SH3BP4: variants seen among roughly 807,000 people sequenced by gnomAD.
SH3BP4 encodes SH3 domain binding protein 4.
Under a neutral mutation model 65.5 loss-of-function variants are expected in SH3BP4, and 33 were observed. The observed-to-expected ratio is 0.50, with a 90% CI of 0.38 to 0.67. SH3BP4 has a LOEUF of 0.67. Among genes scored for constraint, SH3BP4 ranks in the 30% least tolerant of loss-of-function variants. The probability of loss-of-function intolerance (pLI) is 0.00; values close to 1 mark genes in which losing one functional copy is unlikely to be tolerated. For synonymous variants in SH3BP4, 552 were observed against 545.5 expected (o/e 1.01, Z -0.17); for missense variants, 1,134 against 1,261.4 (o/e 0.90, Z 1.53).
chr2:234,991,614 C>T lies in SH3BP4; in HGVS notation c.-206-3689C>T, dbSNP rs181383496. On this transcript the variant is annotated intron_variant, in intron 1 of 5. Transcript: ENST00000392011. The surrounding 1 kb of genome is among the most constrained non-coding windows in gnomAD (Gnocchi z 4.2). ...TTTTCTTGGGGCCCCTGAAGACTGA[C>T]GGGTCCACACTGGTGTCTGGTGGTG... Among the ~76,000 whole-genome samples, 9 of 152,194 alleles carry T rather than the reference C, an allele frequency of 5.9e-5. No homozygotes were observed. Among genetic ancestry groups the T allele is most frequent in the Non-Finnish European group, 8.8e-5 (6 of 68,042 alleles).
intron 1 of SH3BP4, among the ~76,000 whole-genome samples, chr2:234,989,677 G>A (rs1017692680): frequency 6.6e-6 from 1 of 152,310 alleles, no homozygotes; most frequent in Admixed American, 6.5e-5. Context: ...GTGGGGCTGG[G>A]CTCTGTGCAA....
intron 2 of SH3BP4, among the ~76,000 whole-genome samples, chr2:235,011,708 A>G (rs1694512385): frequency 6.6e-6 from 1 of 152,222 alleles, no homozygotes; most frequent in Admixed American, 6.5e-5. Flanking sequence ...CTCTCGACTT[A>G]CATTAAGGAA....
chr2:234,959,048 G>A (rs945173687), intron 1 of SH3BP4, among the ~76,000 whole-genome samples: 10 of 152,178 alleles, frequency 6.6e-5, no homozygotes, highest in South Asian at 4.2e-4. Flanking sequence ...AGGAGCAGCT[G>A]GTTAAAAGAC....
chr2:235,027,251 G>A (rs2106316391), intron 2 of SH3BP4, among the ~76,000 whole-genome samples: 1 of 152,368 alleles, frequency 6.6e-6, no homozygotes, highest in East Asian at 1.9e-4. Flanking sequence ...CCGTGATTTT[G>A]CCTTTGGAGT....
intron 1 of SH3BP4, among the ~76,000 whole-genome samples, chr2:234,986,034 G>A (rs547236988): frequency 1.1e-4 from 16 of 149,618 alleles, no homozygotes; most frequent in African/African-American, 3.8e-4. Flanking sequence ...ACGTGCAGGT[G>A]TACCAGCCCT....
intron 2 of SH3BP4, among the ~76,000 whole-genome samples, chr2:235,013,661 C>G (rs945622736): frequency 2.6e-5 from 4 of 152,188 alleles, no homozygotes; most frequent in Non-Finnish European, 5.9e-5. Context: ...TGCCTGCAGT[C>G]GCTTCCAGGG....
At chr2:234,957,206 G>A (rs1692607078) in intron 1 of SH3BP4, among the ~76,000 whole-genome samples, 1 of 151,568 alleles carries the variant, frequency 6.6e-6, no homozygotes. Context: ...TTTTAGTAGA[G>A]ACCGGCTTCC....
chr2:235,007,617 T>C (rs187569444), intron 2 of SH3BP4, among the ~76,000 whole-genome samples: 3 of 152,168 alleles, frequency 2.0e-5, no homozygotes, highest in African/African-American at 4.8e-5. Flanking sequence ...ACCTAGAGAA[T>C]TGATTGACTG....
chr2:235,025,302 A>G (rs1204192231), intron 2 of SH3BP4, among the ~76,000 whole-genome samples: 1 of 152,174 alleles, frequency 6.6e-6, no homozygotes, highest in Non-Finnish European at 1.5e-5. Flanking sequence ...GCACTAGGGA[A>G]GCGAGCCAAG....
In SH3BP4 at chr2:235,054,189, C is replaced by A. The variant is rs1696156141; in HGVS notation, c.*373C>A. ...GTTGAGGTTTTTATGTTGTTATAGA[C>A]CTTTTTAAATTATGTTAGAGATGTA... is the stretch of plus-strand genomic sequence containing the variant. On this transcript the variant is annotated 3_prime_UTR_variant, in exon 6 of 6. Coordinates refer to ENST00000392011, the MANE Select transcript of SH3BP4 (RefSeq NM_014521.3). 1.5e-5 allele frequency: 3 copies of A among 197,802 alleles called. No individual in the cohort carries two copies. Among genetic ancestry groups the A allele is most frequent in the South Asian group, 1.1e-4 (1 of 9,192 alleles). The allele number at this position is 197,802 out of a possible 1,614,324, so 12.3% of individuals were successfully genotyped here. A position where few individuals can be genotyped will look rare whatever the true frequency, so the allele number is the denominator to read the frequency against.
At chr2:235,002,010 G>A (rs376183581) in intron 2 of SH3BP4, among the ~76,000 whole-genome samples, 25 of 151,926 alleles carry the variant, frequency 1.6e-4, no homozygotes, top group African/African-American at 5.1e-4. Context: ...ACAGGTGTGC[G>A]CCACCACACC....
At chr2:234,982,220 C>T (rs1693409513) in intron 1 of SH3BP4, among the ~76,000 whole-genome samples, 1 of 152,212 alleles carries the variant, frequency 6.6e-6, no homozygotes, top group Non-Finnish European at 1.5e-5. Context: ...TCTGGTGGTG[C>T]CTGGGCCTCT....
intron 4 of SH3BP4, among the ~76,000 whole-genome samples, chr2:235,044,283 CTG>C (rs1311101265): frequency 6.6e-6 from 1 of 152,252 alleles, no homozygotes; most frequent in African/African-American, 2.4e-5. Context: ...AAGCATCAGA[CTG>C]TGGGTTACGC....
chr2:235,050,633 C>T (rs1457707869), intron 4 of SH3BP4, among the ~76,000 whole-genome samples: 3 of 152,012 alleles, frequency 2.0e-5, no homozygotes, highest in African/African-American at 7.2e-5. Flanking sequence ...CTAATGCATG[C>T]CACAAGTCGC....
At chr2:234,988,099 G>C (rs527387893) in intron 1 of SH3BP4, among the ~76,000 whole-genome samples, 4 of 151,822 alleles carry the variant, frequency 2.6e-5, no homozygotes, top group East Asian at 1.9e-4. Context: ...TCACTCTGTC[G>C]CCCAGGCTGG....
chr2:235,011,668 C>T (rs929662841), intron 2 of SH3BP4, among the ~76,000 whole-genome samples: 3 of 152,208 alleles, frequency 2.0e-5, no homozygotes, highest in African/African-American at 7.2e-5. Context: ...GGCAAAGGCT[C>T]AGTACCTGTG....
chr2:235,011,145 TCC>T (rs1694487882), intron 2 of SH3BP4, among the ~76,000 whole-genome samples: 1 of 128,990 alleles, frequency 7.8e-6, no homozygotes, highest in African/African-American at 3.8e-5. Context: ...GGAGAACCCT[TCC>T]TCCCTCTCCT....
chr2:234,975,760 C>G (rs1277430249), intron 1 of SH3BP4, among the ~76,000 whole-genome samples: 1 of 152,114 alleles, frequency 6.6e-6, no homozygotes, highest in African/African-American at 2.4e-5. Flanking sequence ...CCTGTAGACT[C>G]AGCTACCCGG....
At chr2:234,996,253 A>G (rs1171915238) in intron 2 of SH3BP4, among the ~76,000 whole-genome samples, 1 of 152,202 alleles carries the variant, frequency 6.6e-6, no homozygotes, top group South Asian at 2.1e-4. Flanking sequence ...TTTCTGGGCC[A>G]CGTTGGAATT....
Sources: gnomAD v4.1 joint callset for allele counts (sites outside exome capture counted in the v4.1 genomes callset) on GRCh38, gnomAD v4.1.1 for gene constraint, Gnocchi (gnomAD v3.1) non-coding constraint, MANE v1.5 for transcripts, NCBI Gene and HGNC (gene_info 2026-07-23, HGNC 2026-07-21) for gene names.